PLXDC2: variants seen among roughly 807,000 people sequenced by gnomAD.
The protein encoded by PLXDC2 is plexin domain-containing protein 2.
Under a neutral mutation model 68.9 loss-of-function variants are expected in PLXDC2, and 40 were observed. The observed-to-expected ratio is 0.58, with a 90% CI of 0.45 to 0.76. The LOEUF (loss-of-function observed/expected upper bound fraction) is 0.76. Ranked by LOEUF, PLXDC2 falls within the 30% of genes least tolerant of loss-of-function variation. The pLI, the probability that PLXDC2 is intolerant of heterozygous loss-of-function variation, is 0.00. For missense variants in PLXDC2, 644 were observed against 661.9 expected (o/e 0.97, Z 0.30); for synonymous variants, 243 against 234.2 (o/e 1.04, Z -0.34).
chr10:20,082,568 A>G (rs1836587685), intron 4 of PLXDC2, among the ~76,000 whole-genome samples: 1 of 152,200 alleles, frequency 6.6e-6, no homozygotes, highest in South Asian at 2.1e-4. Context: ...TTTTTAAAAA[A>G]CAAGTTTTGT....
At chr10:20,080,576 G>A (rs535134229) in intron 4 of PLXDC2, among the ~76,000 whole-genome samples, 5 of 152,312 alleles carry the variant, frequency 3.3e-5, no homozygotes, top group Admixed American at 6.5e-5. Flanking sequence ...GGCCAGAAGA[G>A]TCAGCAAGTC....
intron 13 of PLXDC2, among the ~76,000 whole-genome samples, chr10:20,250,686 G>T (rs565526750): frequency 6.6e-6 from 1 of 152,264 alleles, no homozygotes; most frequent in East Asian, 1.9e-4. Context: ...TTCATATGCT[G>T]TATGTAGAAA....
chr10:19,895,419 T>A (rs1488369852), intron 1 of PLXDC2, among the ~76,000 whole-genome samples: 1 of 152,202 alleles, frequency 6.6e-6, no homozygotes. Context: ...AGCCGTATAT[T>A]TTTTTAAAGC....
intron 4 of PLXDC2, among the ~76,000 whole-genome samples, chr10:20,125,870 G>A (rs767376727): frequency 6.0e-5 from 9 of 151,070 alleles, no homozygotes; most frequent in South Asian, 4.2e-4. Context: ...CTTGTAAGAC[G>A]GAAAGGAGAA....
chr10:20,093,059 T>A (rs1589625660), intron 4 of PLXDC2, among the ~76,000 whole-genome samples: 1 of 152,258 alleles, frequency 6.6e-6, no homozygotes, highest in East Asian at 1.9e-4. Flanking sequence ...TGTAGAAATT[T>A]GTTACAGCAG....
intron 1 of PLXDC2, among the ~76,000 whole-genome samples, chr10:19,835,773 G>T (rs1225024549): frequency 1.3e-5 from 2 of 152,148 alleles, no homozygotes; most frequent in Non-Finnish European, 2.9e-5. Context: ...AATAAGAGTG[G>T]TTTTGGTGGA....
At position 19,927,188 on chromosome 10, in the gene PLXDC2, A is replaced by G. The variant is rs1468704630; in HGVS notation, c.113-74587A>G. Among the ~76,000 whole-genome samples, 4 of 152,184 alleles carry G rather than the reference A, an allele frequency of 2.6e-5. No homozygotes were observed. The East Asian group carries it at 7.7e-4, about 29-fold the overall frequency. ...TTCTGGGAATAAAAAGATTGGGCAG[A>G]AAAATCAACCCCACCTTGTGAAAGT... On this transcript the variant is annotated intron_variant, in intron 1 of 13. Coordinates refer to ENST00000377252, the MANE Select transcript of PLXDC2 (RefSeq NM_032812.9).
chr10:20,205,219 A>G (rs1007081415), intron 9 of PLXDC2, among the ~76,000 whole-genome samples: 2 of 152,100 alleles, frequency 1.3e-5, no homozygotes, highest in African/African-American at 4.8e-5. Context: ...GAATTCTCTT[A>G]GTATGTTCCC....
At chr10:20,198,387 C>T (rs1050468804) in intron 9 of PLXDC2, among the ~76,000 whole-genome samples, 9 of 152,038 alleles carry the variant, frequency 5.9e-5, no homozygotes, top group South Asian at 4.1e-4. Flanking sequence ...TCAATATTGA[C>T]GACTCTTCTA....
intron 2 of PLXDC2, among the ~76,000 whole-genome samples, chr10:20,019,916 A>G (rs1326867961): frequency 6.6e-6 from 1 of 152,136 alleles, no homozygotes; most frequent in Non-Finnish European, 1.5e-5. Flanking sequence ...ATCCTCATGA[A>G]ACTTCCATCC....
intron 1 of PLXDC2, among the ~76,000 whole-genome samples, chr10:19,817,738 T>C (rs534813917): frequency 1.5e-4 from 23 of 151,940 alleles, no homozygotes; most frequent in Admixed American, 9.2e-4. Context: ...GGGGGCGGGG[T>C]AAATGCGGCC....
intron 13 of PLXDC2, among the ~76,000 whole-genome samples, chr10:20,246,830 G>A (rs561687875): frequency 6.6e-5 from 10 of 152,270 alleles, no homozygotes; most frequent in African/African-American, 4.8e-5. Flanking sequence ...CTTGTTGAGC[G>A]AGAAATTATA....
chr10:20,040,126 C>G lies in PLXDC2; in HGVS notation c.325-6743C>G, dbSNP rs1381859661. 2.0e-5 allele frequency among the ~76,000 whole-genome samples: 3 copies of G among 152,110 alleles called. No individual in the cohort carries two copies. In the South Asian group the frequency reaches 6.2e-4, roughly 31 times the overall value. Reference sequence around the variant, plus strand: ...ACCAGAATTCTTTCTAAGGAATAAGCAGAAATCAGCTCTGGAAAACAAGAA... The same window carrying G: ...ACCAGAATTCTTTCTAAGGAATAAGGAGAAATCAGCTCTGGAAAACAAGAA... On this transcript the variant is annotated intron_variant, in intron 2 of 13. Coordinates refer to ENST00000377252, the MANE Select transcript of PLXDC2 (RefSeq NM_032812.9).
In PLXDC2 at chr10:20,233,169, G is replaced by T. The variant is rs144738146; in HGVS notation, c.1313-12176G>T. Among the ~76,000 whole-genome samples the T allele has an allele frequency of 4.6e-3, 703 of 152,112 alleles. 8 individuals are homozygous for T. Among genetic ancestry groups the T allele is most frequent in the African/African-American group, 0.014 (574 of 41,490 alleles). On this transcript the variant is annotated intron_variant, in intron 12 of 13. Transcript: ENST00000377252. ...CGAGTTGTATAGTTGCAAGGGCTTT[G>T]GTCTTAAAGTGTTGGGGGATGGGAT...
chr10:19,891,680 G>A lies in PLXDC2; in HGVS notation c.112+74489G>A, dbSNP rs543261446. ...CCTTGGGAGGTCGGTAACCTCTGGA[G>A]CGATTATAAAGCTAGGCATGATTGA... On this transcript the variant is annotated intron_variant, in intron 1 of 13. Transcript: ENST00000377252. Among the ~76,000 whole-genome samples the A allele has an allele frequency of 3.9e-5, 6 of 152,262 alleles. No homozygotes were observed. The South Asian group carries it at 1.2e-3, about 32-fold the overall frequency.
At chr10:19,903,063 G>T (rs1838184745) in intron 1 of PLXDC2, among the ~76,000 whole-genome samples, 1 of 152,086 alleles carries the variant, frequency 6.6e-6, no homozygotes, top group Admixed American at 6.6e-5. Flanking sequence ...ATATGCTGTG[G>T]GATTGAGTTA....
At chr10:20,055,806 A>C (rs769075574) in intron 3 of PLXDC2, among the ~76,000 whole-genome samples, 1 of 152,172 alleles carries the variant, frequency 6.6e-6, no homozygotes, top group African/African-American at 2.4e-5. Context: ...GACATAATGT[A>C]ATATTTTATT....
At position 19,965,723 on chromosome 10, in the gene PLXDC2, G is replaced by A. The variant is rs966645886; in HGVS notation, c.113-36052G>A. Among the ~76,000 whole-genome samples the A allele has an allele frequency of 2.0e-5, 3 of 147,404 alleles. No homozygotes were observed. The South Asian group carries it at 6.8e-4, about 33-fold the overall frequency. ...CTCTGGAAAACAGTTTTTTTTGGGG[G>A]GGGGGGTTACATAATTCAATGAAAG... On this transcript the variant is annotated intron_variant, in intron 1 of 13. Coordinates refer to ENST00000377252, the MANE Select transcript of PLXDC2 (RefSeq NM_032812.9).
chr10:20,148,441 A>G (rs1834107795), intron 6 of PLXDC2, among the ~76,000 whole-genome samples: 1 of 152,180 alleles, frequency 6.6e-6, no homozygotes, highest in Admixed American at 6.5e-5. Context: ...TAGAGACCTA[A>G]GTGACAGAAA....
Sources: gnomAD v4.1 joint callset for allele counts (sites outside exome capture counted in the v4.1 genomes callset) on GRCh38, gnomAD v4.1.1 for gene constraint, MANE v1.5 for transcripts, NCBI Gene and HGNC (gene_info 2026-07-23, HGNC 2026-07-21) for gene names.